The following CDH4 variants were observed in gnomAD, a reference collection of about 807,000 sequenced individuals.
CDH4 encodes the protein cadherin-4.
A neutral mutation model predicts 86.0 loss-of-function variants in CDH4; 33 were observed. The observed-to-expected ratio is 0.38, with a 90% confidence interval of 0.29 to 0.51. The LOEUF (loss-of-function observed/expected upper bound fraction) is 0.51. CDH4 is among the 20% of genes least tolerant of loss of function. The probability of loss-of-function intolerance (pLI) is 0.86; values close to 1 mark genes in which losing one functional copy is unlikely to be tolerated. For synonymous variants in CDH4, 555 were observed against 549.4 expected (o/e 1.01, Z -0.14); for missense variants, 1,114 against 1,307.4 (o/e 0.85, Z 2.28).
At chr20:61,617,362 A>G (rs1189837359) in intron 2 of CDH4, among the ~76,000 whole-genome samples, 1 of 152,148 alleles carries the variant, frequency 6.6e-6, no homozygotes, top group Non-Finnish European at 1.5e-5. Context: ...TTGTCAACTG[A>G]AGACTCCCGA....
At chr20:61,545,992 CTG>C (rs1394489809) in intron 2 of CDH4, among the ~76,000 whole-genome samples, 10 of 8,026 alleles carry the variant, frequency 1.2e-3, no homozygotes, top group East Asian at 8.6e-3. Flanking sequence ...GGAGGGGTGT[CTG>C]TGCATGTGTG....
chr20:61,595,593 T>C (rs7265606), intron 2 of CDH4, among the ~76,000 whole-genome samples: 8,251 of 152,304 alleles, frequency 0.054, 399 homozygotes, highest in African/African-American at 0.12. Flanking sequence ...GTTACTTCTT[T>C]ATTGTTTTTT....
Position 61,709,108 on chromosome 20 carries a change from G to A in CDH4, c.170-34455G>A, listed in dbSNP as rs1016026636. ...TGAGTTCACATCACCCCAAAGCCTC[G>A]GGTCCCAGTGGCGTAGCGGCCGCCC... On this transcript the variant is annotated intron_variant, in intron 2 of 15. Transcript: ENST00000614565. The surrounding 1 kb of genome is among the most constrained non-coding windows in gnomAD (Gnocchi z 4.8). 9.9e-5 allele frequency among the ~76,000 whole-genome samples: 15 copies of A among 152,194 alleles called. No individual in the cohort carries two copies. Among genetic ancestry groups the A allele is most frequent in the Admixed American group, 3.3e-4 (5 of 15,284 alleles).
chr20:61,546,753 C>T (rs116397385), intron 2 of CDH4, among the ~76,000 whole-genome samples: 185 of 152,196 alleles, frequency 1.2e-3, no homozygotes, highest in African/African-American at 3.9e-3. Context: ...CCAGGAGGAC[C>T]CAGGGCAACT....
At chr20:61,674,555 T>C (rs974739839) in intron 2 of CDH4, among the ~76,000 whole-genome samples, 20 of 152,204 alleles carry the variant, frequency 1.3e-4, no homozygotes, top group South Asian at 4.2e-4. Flanking sequence ...ACCAGCACAG[T>C]CCCATAGAAA....
intron 2 of CDH4, among the ~76,000 whole-genome samples, chr20:61,317,886 A>G (rs926386006): frequency 6.6e-6 from 1 of 152,238 alleles, no homozygotes; most frequent in Non-Finnish European, 1.5e-5. Context: ...GGGTAAAAGT[A>G]GAGTTAATGC....
At chr20:61,254,962 G>A (rs771154433) in intron 2 of CDH4, 25 bp downstream of exon 2, 6 of 1,289,678 alleles carry the variant, frequency 4.7e-6, no homozygotes, top group Non-Finnish European at 4.5e-6. Context: ...GGAGGGGTGG[G>A]AGTGAATTGC....
intron 2 of CDH4, among the ~76,000 whole-genome samples, chr20:61,358,826 C>T (rs2084768029): frequency 6.6e-6 from 1 of 152,174 alleles, no homozygotes; most frequent in Non-Finnish European, 1.5e-5. Context: ...AGGAGACCTG[C>T]ATGAGCCACG....
intron 3 of CDH4, among the ~76,000 whole-genome samples, chr20:61,757,718 T>C (rs545854898): frequency 6.6e-6 from 1 of 152,316 alleles, no homozygotes; most frequent in South Asian, 2.1e-4. Context: ...TGAAGATTCT[T>C]GCTGCCATGT....
chr20:61,438,086 G>A (rs1447201728), intron 2 of CDH4, among the ~76,000 whole-genome samples: 1 of 152,156 alleles, frequency 6.6e-6, no homozygotes, highest in Non-Finnish European at 1.5e-5. Context: ...TTTGCCCAGT[G>A]GGCTATCGTC....
At chr20:61,763,947 G>A (rs373759114) in intron 3 of CDH4, among the ~76,000 whole-genome samples, 76 of 152,216 alleles carry the variant, frequency 5.0e-4, no homozygotes, top group African/African-American at 5.8e-4. Context: ...AGAAAAAGAC[G>A]ATCATGTAAA....
At chr20:61,832,045 T>C (rs997005635) in intron 4 of CDH4, among the ~76,000 whole-genome samples, 3 of 152,234 alleles carry the variant, frequency 2.0e-5, no homozygotes, top group African/African-American at 7.2e-5. Flanking sequence ...GTTGGGTGGA[T>C]GCTGCTGCCA....
At chr20:61,769,253 C>T (rs964728253) in intron 3 of CDH4, among the ~76,000 whole-genome samples, 2 of 152,178 alleles carry the variant, frequency 1.3e-5, no homozygotes, top group East Asian at 1.9e-4. Flanking sequence ...GCGTGGTTGG[C>T]GGCCCCACCC....
rs944530088 is a variant in CDH4 at position 61,422,443 on chromosome 20, A to C, written c.169+167506A>C. ...CCGTCTCAAAAAAAAAAAAAAAAAA[A>C]AAAAAAAAAAAAAAAAAAAAAAAAC... is the stretch of plus-strand genomic sequence containing the variant. On this transcript the variant is annotated intron_variant, in intron 2 of 15. Coordinates refer to ENST00000614565, the MANE Select transcript of CDH4 (RefSeq NM_001794.5). 7.8e-4 allele frequency among the ~76,000 whole-genome samples: 101 copies of C among 128,954 alleles called. 1 individual carries two copies. The highest frequency in any genetic ancestry group is 1.0e-3 in the Non-Finnish European group (62 of 61,630). The allele number at this position is 128,954 out of a possible 152,430, so 84.6% of individuals were successfully genotyped here.
intron 2 of CDH4, among the ~76,000 whole-genome samples, chr20:61,547,155 GC>G: frequency 6.8e-6 from 1 of 146,734 alleles, no homozygotes; most frequent in African/African-American, 2.5e-5. Flanking sequence ...AGTGCAAGTA[GC>G]TTTTACTGGA....
intron 2 of CDH4, among the ~76,000 whole-genome samples, chr20:61,304,263 A>AC (rs5842346): frequency 0.36 from 54,141 of 150,060 alleles, 10,507 homozygotes; most frequent in African/African-American, 0.52. Flanking sequence ...AGTGGACGGC[A>AC]CCCCCCCAAC....
chr20:61,457,313 AG>A (rs1315884901), intron 2 of CDH4, among the ~76,000 whole-genome samples: 14 of 152,312 alleles, frequency 9.2e-5, no homozygotes, highest in African/African-American at 3.4e-4. Flanking sequence ...GTGGAGCAAA[AG>A]GGTGGCTTGT....
intron 2 of CDH4, among the ~76,000 whole-genome samples, chr20:61,683,060 A>G (rs886773212): frequency 4.6e-5 from 7 of 152,170 alleles, no homozygotes; most frequent in African/African-American, 1.7e-4. Flanking sequence ...TAAAATAAAT[A>G]TAAAGTCACC....
chr20:61,542,558 A>C (rs966331737), intron 2 of CDH4, among the ~76,000 whole-genome samples: 2 of 152,242 alleles, frequency 1.3e-5, no homozygotes, highest in African/African-American at 4.8e-5. Context: ...TGAGAGCAAC[A>C]AACTTTTTAA....
Sources: allele counts gnomAD v4.1 joint callset (sites outside exome capture counted in the v4.1 genomes callset), GRCh38; gene constraint gnomAD v4.1.1; non-coding constraint Gnocchi (gnomAD v3.1); transcripts MANE v1.5; gene names NCBI Gene and HGNC (gene_info 2026-07-23, HGNC 2026-07-21).